The following GPC6 variants were observed in gnomAD, a reference collection of about 807,000 sequenced individuals.
GPC6 encodes the protein glypican 6.
Under a neutral mutation model 55.2 loss-of-function variants are expected in GPC6, and 14 were observed. The observed-to-expected ratio is 0.25, with a 90% CI of 0.17 to 0.40. The LOEUF is 0.40. Ranked by LOEUF, GPC6 falls within the 10% of genes least tolerant of loss-of-function variation. The probability of loss-of-function intolerance (pLI) is 1.00; values close to 1 mark genes in which losing one functional copy is unlikely to be tolerated. For missense variants in GPC6, 641 were observed against 708.5 expected, an observed-to-expected ratio of 0.90 and a Z score of 1.08; for synonymous variants, 278 against 259.6, an observed-to-expected ratio of 1.07 and a Z score of -0.68.
At chr13:93,601,554 C>T (rs1878017127) in intron 2 of GPC6, among the ~76,000 whole-genome samples, 1 of 152,148 alleles carries the variant, frequency 6.6e-6, no homozygotes, top group Admixed American at 6.5e-5. Flanking sequence ...TCTCACTGTT[C>T]CATCAGAGTC....
intron 2 of GPC6, among the ~76,000 whole-genome samples, chr13:93,558,078 C>G (rs1276412030): frequency 6.6e-6 from 1 of 152,110 alleles, no homozygotes; most frequent in African/African-American, 2.4e-5. Context: ...GAATGTGTTT[C>G]AAGTATAGGA....
intron 1 of GPC6, among the ~76,000 whole-genome samples, chr13:93,298,463 C>T (rs1467500129): frequency 2.6e-5 from 4 of 152,090 alleles, no homozygotes; most frequent in Non-Finnish European, 5.9e-5. Flanking sequence ...CAGACAGGGT[C>T]CCACTCTGTC....
chr13:94,298,414 A>C lies in GPC6; in HGVS notation c.1009-7566A>C, dbSNP rs145233231. 7.6e-3 allele frequency among the ~76,000 whole-genome samples: 1,164 copies of C among 152,326 alleles called. 15 individuals are homozygous for C. The highest frequency in any genetic ancestry group is 0.026 in the African/African-American group (1,079 of 41,564). On this transcript the variant is annotated intron_variant, in intron 5 of 8. Coordinates refer to ENST00000377047, the MANE Select transcript of GPC6 (RefSeq NM_005708.5). ...CTAGACCATCATTGGCAGGGATAGG[A>C]TACAACTGCTCCAATGTACAGGTGC...
rs563645378 is a variant in GPC6 at position 94,113,357 on chromosome 13, T to C, written c.877+85463T>C. On this transcript the variant is annotated intron_variant, in intron 4 of 8. Transcript: ENST00000377047. ...AGCCAAAAAAAAGTTAAGTTAATCA[T>C]ACTCTCAGTTCCTAGCTCATTATTA... Among the ~76,000 whole-genome samples, 5 of 152,246 alleles carry C rather than the reference T, an allele frequency of 3.3e-5. No individual in the cohort carries two copies. In the South Asian group the frequency reaches 1.0e-3, roughly 32 times the overall value.
chr13:94,390,590 G>T, intron 7 of GPC6, among the ~76,000 whole-genome samples: 1 of 152,036 alleles, frequency 6.6e-6, no homozygotes, highest in Admixed American at 6.6e-5. Flanking sequence ...ACCAGCTCTC[G>T]AGAGAAATCT....
intron 4 of GPC6, among the ~76,000 whole-genome samples, chr13:94,149,641 C>T (rs1203979752): frequency 1.3e-5 from 2 of 151,956 alleles, no homozygotes; most frequent in Non-Finnish European, 2.9e-5. Flanking sequence ...ATAAGAGGAC[C>T]AAGCCCTGTA....
intron 2 of GPC6, among the ~76,000 whole-genome samples, chr13:93,826,102 T>C (rs1317972056): frequency 2.6e-5 from 4 of 151,934 alleles, no homozygotes; most frequent in Admixed American, 2.6e-4. Flanking sequence ...TCAGGTGATC[T>C]GCCCACCTCG....
At chr13:93,528,970 G>C (rs141106106) in intron 1 of GPC6, among the ~76,000 whole-genome samples, 48 of 152,166 alleles carry the variant, frequency 3.2e-4, no homozygotes, top group African/African-American at 1.1e-3. Context: ...GCATTAGTAT[G>C]TGGACTGTCT....
chr13:93,807,744 T>C (rs1309368372), intron 2 of GPC6, among the ~76,000 whole-genome samples: 1 of 152,188 alleles, frequency 6.6e-6, no homozygotes, highest in African/African-American at 2.4e-5. Flanking sequence ...TGGTGTATGG[T>C]AGACTCCCGT....
At chr13:93,316,949 T>C (rs1209362857) in intron 1 of GPC6, among the ~76,000 whole-genome samples, 2 of 152,154 alleles carry the variant, frequency 1.3e-5, no homozygotes, top group Non-Finnish European at 2.9e-5. Flanking sequence ...TTATCTGATC[T>C]GCATTTGAGG....
rs1272230812 is a variant in GPC6, at chr13:94,340,800, A to T, written c.1152+34677A>T. On this transcript the variant is annotated intron_variant, in intron 6 of 8. Transcript: ENST00000377047. The stretch of plus-strand genomic sequence containing the variant: ...GTTTACAATGAAAAATGAGAAAAGG[A>T]TTATCCAGTGTGCAAATATTTGCTG... Among the ~76,000 whole-genome samples, 3 of 152,264 alleles carry T rather than the reference A, an allele frequency of 2.0e-5. No individual in the cohort carries two copies. In the East Asian group the frequency reaches 5.8e-4, roughly 29 times the overall value.
At chr13:94,247,015 G>T (rs959330556) in intron 4 of GPC6, among the ~76,000 whole-genome samples, 2 of 151,888 alleles carry the variant, frequency 1.3e-5, no homozygotes, top group African/African-American at 4.8e-5. Context: ...ATTTATTTGT[G>T]TCCTCTTCAA....
intron 6 of GPC6, among the ~76,000 whole-genome samples, chr13:94,358,032 A>G (rs1878879411): frequency 6.6e-6 from 1 of 152,170 alleles, no homozygotes; most frequent in African/African-American, 2.4e-5. Flanking sequence ...TTTAAGAGAA[A>G]GGACCATGGC....
chr13:93,244,081 G>A (rs1025172313), intron 1 of GPC6, among the ~76,000 whole-genome samples: 2 of 152,104 alleles, frequency 1.3e-5, no homozygotes, highest in African/African-American at 2.4e-5. Context: ...GTGCAAGCAG[G>A]AGCCCTGATG....
At chr13:93,340,803 A>G (rs185753209) in intron 1 of GPC6, among the ~76,000 whole-genome samples, 1 of 152,090 alleles carries the variant, frequency 6.6e-6, no homozygotes, top group African/African-American at 2.4e-5. Context: ...TTTTTATTTC[A>G]ATAGTTTTGG....
chr13:93,823,107 C>T (rs960422168), intron 2 of GPC6, among the ~76,000 whole-genome samples: 4 of 151,966 alleles, frequency 2.6e-5, no homozygotes, highest in African/African-American at 9.7e-5. Context: ...TCATGATCCG[C>T]CTGCCATGGC....
At chr13:93,399,255 C>G (rs1003475916) in intron 1 of GPC6, among the ~76,000 whole-genome samples, 6 of 152,166 alleles carry the variant, frequency 3.9e-5, no homozygotes, top group Admixed American at 3.9e-4. Context: ...GCTTGTGCAT[C>G]TTCTCTTCAT....
chr13:94,035,557 C>T (rs1029149054), intron 4 of GPC6, among the ~76,000 whole-genome samples: 22 of 152,042 alleles, frequency 1.4e-4, no homozygotes, highest in Non-Finnish European at 2.5e-4. Flanking sequence ...AACCAGAGTC[C>T]TTCACGTGGT....
chr13:93,577,308 A>G (rs1212741902), intron 2 of GPC6, among the ~76,000 whole-genome samples: 1 of 152,154 alleles, frequency 6.6e-6, no homozygotes, highest in Non-Finnish European at 1.5e-5. Context: ...TGGAGTGGAA[A>G]AGGGAACATT....
Sources: allele counts gnomAD v4.1 joint callset (sites outside exome capture counted in the v4.1 genomes callset), GRCh38; gene constraint gnomAD v4.1.1; transcripts MANE v1.5; gene names NCBI Gene and HGNC (gene_info 2026-07-23, HGNC 2026-07-21).